Variants in SPTA1 observed in about 807,000 individuals in gnomAD.
SPTA1 encodes spectrin alpha, erythrocytic 1, also known as spectrin alpha chain, erythrocytic 1.
In SPTA1, 177 loss-of-function variants were observed where a neutral mutation model predicts 324.7. That is an observed-to-expected ratio of 0.55 (90% CI 0.48 to 0.62). SPTA1 has a LOEUF of 0.62. Ranked by LOEUF, SPTA1 falls within the 20% of genes least tolerant of loss-of-function variation. The pLI is 0.00. For missense variants in SPTA1, 3,162 were observed against 2,883.6 expected (o/e 1.10, Z -2.21); for synonymous variants, 1,195 against 1,041.3 (o/e 1.15, Z -2.84).
chr1:158,619,065 C>T, intron 45 of SPTA1, 157 bp downstream of exon 45: 1 of 745,166 alleles, frequency 1.3e-6, no homozygotes, highest in Non-Finnish European at 2.4e-6. Flanking sequence ...ATTCAGAAAA[C>T]AGTCAACTCC....
chr1:158,626,312 A>G lies in SPTA1; in HGVS notation c.5834-90T>C, dbSNP rs576217518. 9.1e-4 allele frequency: 1,099 copies of G among 1,212,016 alleles called. 1 individual carries two copies. Among genetic ancestry groups the G allele is most frequent in the Non-Finnish European group, 1.2e-3 (980 of 831,912 alleles). 75.1% of individuals were successfully genotyped at this position (1,212,016 alleles called of 1,614,324 possible). A position where few individuals can be genotyped will look rare whatever the true frequency, so the allele number is the denominator to read the frequency against. The stretch of plus-strand genomic sequence containing the variant: ...AAAGGAATATTTACAACACACAACA[A>G]GAAAGCTTCTTGACTCTCAAAGTTG... On this transcript the variant is annotated intron_variant, in intron 41 of 51. Coordinates refer to ENST00000643759, the MANE Select transcript of SPTA1 (RefSeq NM_003126.4).
At chr1:158,661,458 A>G in intron 17 of SPTA1, 49 bp from the exon 18 acceptor site, 5 of 1,612,662 alleles carry the variant, frequency 3.1e-6, no homozygotes, top group Non-Finnish European at 4.2e-6. Flanking sequence ...GGTGTATGGA[A>G]GTAGCATACC....
intron 24 of SPTA1, 70 bp from the exon 25 acceptor site, chr1:158,650,017 C>G: frequency 9.6e-7 from 1 of 1,038,342 alleles, no homozygotes; most frequent in East Asian, 2.4e-5. Context: ...GTCTGAAGAC[C>G]AGACAAGATT....
At chr1:158,615,485 G>T (rs1649501969) in intron 47 of SPTA1, 82 bp from the exon 48 acceptor site, 1 of 1,393,660 alleles carries the variant, frequency 7.2e-7, no homozygotes, top group Non-Finnish European at 1.0e-6. Context: ...GAGATAACAG[G>T]CTGATTTTAT....
At chr1:158,616,576 T>C (rs1338114580) in intron 47 of SPTA1, among the ~76,000 whole-genome samples, 1 of 151,494 alleles carries the variant, frequency 6.6e-6, no homozygotes, top group African/African-American at 2.4e-5. Context: ...ACTGAAAATG[T>C]CAGAATTTCA....
In SPTA1 at chr1:158,627,951, ATT is replaced by A. The variant is rs201974156; in HGVS notation, c.5566-230_5566-229del. Among the ~76,000 whole-genome samples the A allele has an allele frequency of 8.6e-3, 1,310 of 152,228 alleles. 17 individuals carry two copies. The highest frequency in any genetic ancestry group is 0.03 in the African/African-American group (1,248 of 41,534). ...AAAGAGTCAAAGATATACAAGTGAC[ATT>A]CTTTCTAATTTATTATGTGACTAAT... On this transcript the variant is annotated intron_variant, in intron 39 of 51. Coordinates refer to ENST00000643759, the MANE Select transcript of SPTA1 (RefSeq NM_003126.4).
chr1:158,665,239 ACT>A (rs1653507718), intron 16 of SPTA1, among the ~76,000 whole-genome samples: 1 of 151,762 alleles, frequency 6.6e-6, no homozygotes, highest in African/African-American at 2.4e-5. Flanking sequence ...ATCCTTTGAA[ACT>A]CTGTTCTCCG....
chr1:158,642,350 G>T, intron 33 of SPTA1, 61 bp downstream of exon 33: 3 of 1,502,262 alleles, frequency 2.0e-6, no homozygotes, highest in African/African-American at 2.8e-5. Flanking sequence ...TAAAAAAAAA[G>T]AAAGAGTAAA....
chr1:158,666,273 A>G, intron 16 of SPTA1, 43 bp downstream of exon 16: 3 of 1,607,110 alleles, frequency 1.9e-6, no homozygotes, highest in Non-Finnish European at 2.6e-6. Flanking sequence ...CTCAGAGCAT[A>G]TACACCCATT....
In SPTA1 at chr1:158,669,514, C is replaced by G. The variant is rs1465812061; in HGVS notation, c.1727G>C (p.Arg576Thr). 3 of 1,614,168 alleles carry G rather than the reference C, an allele frequency of 1.9e-6. No individual in the cohort carries two copies. Among genetic ancestry groups the G allele is most frequent in the Non-Finnish European group, 2.5e-6 (3 of 1,180,014 alleles). The change falls in exon 14 of 52, where the codon AGA becomes ACA. Residue 576 changes from arginine to threonine, a missense_variant. Physicochemically the swap from Arg to Thr is moderately conservative, Grantham distance 71. Transcript: ENST00000643759. ...CAGAAGCAATGACTCCTTCAGCAATCTACGTCTAGTGGCAGCCTTTTCACG... is the reference window on the plus strand; with the variant it reads ...CAGAAGCAATGACTCCTTCAGCAATGTACGTCTAGTGGCAGCCTTTTCACG... Reference protein sequence around the residue: ...ALREKAATRRRLLKESLLLQK... With the variant: ...ALREKAATRRTLLKESLLLQK...
Position 158,620,470 on chromosome 1 carries a change from CAG to C in SPTA1, c.6121-6_6121-5del. The C allele has an allele frequency of 6.2e-7, 1 of 1,611,528 alleles. No homozygotes were observed. Among genetic ancestry groups the C allele is most frequent in the African/African-American group, 1.3e-5 (1 of 74,784 alleles). ...ATTCCACGAACAGGTCCTCAGCCTG[CAG>C]AGAGAAAAAAAAGACACTACCATCT... On this transcript the variant is annotated splice_polypyrimidine_tract_variant and splice_region_variant and intron_variant, in intron 43 of 51. Transcript: ENST00000643759.
At chr1:158,674,754 T>A in intron 8 of SPTA1, 79 bp from the exon 9 acceptor site, 1 of 1,576,704 alleles carries the variant, frequency 6.3e-7, no homozygotes, top group Non-Finnish European at 8.6e-7. Context: ...AGGTTTGGGG[T>A]GAGGTAAGAT....
Position 158,620,475 on chromosome 1 carries a change from A to G in SPTA1, c.6121-9T>C. On this transcript the variant is annotated splice_polypyrimidine_tract_variant and intron_variant, in intron 43 of 51. Coordinates refer to ENST00000643759, the MANE Select transcript of SPTA1 (RefSeq NM_003126.4). Reference sequence around the variant, plus strand: ...ACGAACAGGTCCTCAGCCTGCAGAGAGAAAAAAAAGACACTACCATCTTTC... The same window carrying G: ...ACGAACAGGTCCTCAGCCTGCAGAGGGAAAAAAAAGACACTACCATCTTTC... The G allele has an allele frequency of 1.2e-6, 2 of 1,612,442 alleles. No homozygotes were observed. Among genetic ancestry groups the G allele is most frequent in the Non-Finnish European group, 1.7e-6 (2 of 1,179,992 alleles).
intron 17 of SPTA1, 109 bp downstream of exon 17, chr1:158,662,593 A>C: frequency 1.5e-5 from 22 of 1,477,876 alleles, no homozygotes; most frequent in Non-Finnish European, 2.0e-5. Flanking sequence ...TGTGAGAAGA[A>C]ACAGCTAAGA....
chr1:158,673,603 T>C (rs909395549), intron 10 of SPTA1, among the ~76,000 whole-genome samples: 1 of 152,208 alleles, frequency 6.6e-6, no homozygotes, highest in Non-Finnish European at 1.5e-5. Context: ...CATGCACAGA[T>C]GTCAACCATG....
At position 158,647,587 on chromosome 1, in the gene SPTA1, T is replaced by C. The variant is rs769973257; in HGVS notation, c.3848A>G (p.Glu1283Gly). ...DLQGRTKDRK[E>G]SLNEAQKFYL... ...GAATTTCTGGGCCTCATTTAGGCTCTCCTTACGATCCTTTGTACGCCCCTG... is the reference window on the plus strand; with the variant it reads ...GAATTTCTGGGCCTCATTTAGGCTCCCCTTACGATCCTTTGTACGCCCCTG... Residue 1283 changes from glutamate to glycine, a missense_variant, in exon 27 of 52, where the codon GAG (glutamate) becomes GGG (glycine). Physicochemically the swap from Glu to Gly is moderately conservative, Grantham distance 98. Coordinates refer to ENST00000643759, the MANE Select transcript of SPTA1 (RefSeq NM_003126.4). The C allele has an allele frequency of 6.2e-7, 1 of 1,613,884 alleles. No homozygotes were observed. Among genetic ancestry groups the C allele is most frequent in the Non-Finnish European group, 8.5e-7 (1 of 1,179,908 alleles).
At chr1:158,648,448 T>C (rs1029557016) in intron 26 of SPTA1, 61 bp downstream of exon 26, 16 of 1,606,178 alleles carry the variant, frequency 1.0e-5, no homozygotes, top group East Asian at 8.9e-5. Flanking sequence ...GAAGAGGGCA[T>C]TGGTATACGG....
At chr1:158,663,006 T>C in intron 16 of SPTA1, 61 bp from the exon 17 acceptor site, 5 of 1,607,712 alleles carry the variant, frequency 3.1e-6, no homozygotes, top group Non-Finnish European at 3.4e-6. Context: ...GTAATAGGAG[T>C]TTGTCATGGT....
intron 12 of SPTA1, among the ~76,000 whole-genome samples, chr1:158,670,649 A>G (rs1302177093): frequency 6.6e-6 from 1 of 152,206 alleles, no homozygotes. Flanking sequence ...TATTGGACCC[A>G]TGAAGTCTTC....
Sources: allele counts gnomAD v4.1 joint callset (sites outside exome capture counted in the v4.1 genomes callset), GRCh38; gene constraint gnomAD v4.1.1; transcripts MANE v1.5; gene names NCBI Gene and HGNC (gene_info 2026-07-23, HGNC 2026-07-21).